ANGPT4: variants seen among roughly 807,000 people sequenced by gnomAD.
ANGPT4 encodes the protein angiopoietin 4, also known as angiopoietin-4.
A neutral mutation model predicts 53.0 loss-of-function variants in ANGPT4; 50 were observed. The ratio of observed to expected loss-of-function variants is 0.94; its 90% CI spans 0.75 to 1.20. The LOEUF is 1.20. ANGPT4 is among the 50% of genes most tolerant of loss of function. The pLI is 0.00. For synonymous variants in ANGPT4, 251 were observed against 259.7 expected (o/e 0.97, Z 0.32); for missense variants, 648 against 637.1 (o/e 1.02, Z -0.18).
chr20:886,753 G>A (rs1056349690), intron 3 of ANGPT4, among the ~76,000 whole-genome samples: 3 of 152,166 alleles, frequency 2.0e-5, no homozygotes, highest in Non-Finnish European at 4.4e-5. Context: ...AAAACCGAAT[G>A]GTTGTATGGG....
At chr20:873,956 C>T (rs73078124) in intron 8 of ANGPT4, among the ~76,000 whole-genome samples, 2 of 152,196 alleles carry the variant, frequency 1.3e-5, no homozygotes, top group African/African-American at 4.8e-5. Flanking sequence ...GTCTCCTGAT[C>T]CTGGTTCGGC....
rs1482295309 is a variant in ANGPT4 at position 888,379 on chromosome 20, T to G, written c.526A>C (p.Lys176Gln). ...QMPETFLSTNKLENQLLLQRQ... is the reference protein window; with the variant it reads ...QMPETFLSTNQLENQLLLQRQ... ...TGTAGCAGCAGCTGGTTCTCCAGCT[T>G]GTTGGTGGACAGAAAGGTCTCTGGC... The change falls in exon 3 of 9, where the codon AAG (lysine) becomes CAG (glutamine). Residue 176 changes from lysine (K) to glutamine (Q), a missense_variant. Lys to Gln is a moderately conservative substitution (Grantham distance 53). Coordinates refer to ENST00000381922, the MANE Select transcript of ANGPT4 (RefSeq NM_015985.4). 6.2e-7 allele frequency: 1 copy of G among 1,613,850 alleles called. No individual in the cohort carries two copies. The highest frequency in any genetic ancestry group is 1.1e-5 in the South Asian group (1 of 91,082).
intron 1 of ANGPT4, among the ~76,000 whole-genome samples, chr20:913,747 A>G (rs1055717470): frequency 3.3e-5 from 5 of 152,220 alleles, no homozygotes; most frequent in Non-Finnish European, 7.3e-5. Flanking sequence ...GACGAGGCCT[A>G]AGCCAGAAAG....
At chr20:878,101 CCCAG>C in intron 7 of ANGPT4, 56 bp downstream of exon 7, 5 of 1,530,194 alleles carry the variant, frequency 3.3e-6, no homozygotes, top group Non-Finnish European at 4.4e-6. Flanking sequence ...GCCTGGGGAC[CCCAG>C]CCCGCCCACT....
chr20:883,482 C>T, intron 4 of ANGPT4, among the ~76,000 whole-genome samples: 1 of 152,230 alleles, frequency 6.6e-6, no homozygotes, highest in East Asian at 1.9e-4. Context: ...TGCTCCCTTC[C>T]TGCTAGACTT....
chr20:907,270 T>C (rs530000965), intron 1 of ANGPT4, among the ~76,000 whole-genome samples: 382 of 152,142 alleles, frequency 2.5e-3, no homozygotes, highest in African/African-American at 8.5e-3. Context: ...TCACCTTTCA[T>C]GGGGTGGCAG....
intron 1 of ANGPT4, among the ~76,000 whole-genome samples, chr20:898,990 C>T (rs1982167413): frequency 6.6e-6 from 1 of 152,208 alleles, no homozygotes; most frequent in South Asian, 2.1e-4. Context: ...CTGACTCCTT[C>T]CCAGATCTTC....
In ANGPT4 at chr20:916,326, C is replaced by G. The variant is rs1302978941; in HGVS notation, c.-112G>C. ...GCTTGCCTGCAGCTGCAGCTACAAA[C>G]CTCTGTCTGGCCGAGCTCTGTCCAG... is the stretch of plus-strand genomic sequence containing the variant. On this transcript the variant is annotated 5_prime_UTR_variant, in exon 1 of 9. Transcript: ENST00000381922. 14 of 1,189,576 alleles carry G rather than the reference C, an allele frequency of 1.2e-5. No homozygotes were observed. In the East Asian group the frequency reaches 3.2e-4, roughly 27 times the overall value. The allele number at this position is 1,189,576 out of a possible 1,614,324, so 73.7% of individuals were successfully genotyped here.
At chr20:898,330 A>C (rs1001580420) in intron 1 of ANGPT4, among the ~76,000 whole-genome samples, 2 of 152,158 alleles carry the variant, frequency 1.3e-5, no homozygotes, top group Non-Finnish European at 2.9e-5. Context: ...TCACCTGCCC[A>C]AAAATTTCCT....
At chr20:894,730 A>G (rs1981978645) in intron 1 of ANGPT4, among the ~76,000 whole-genome samples, 1 of 152,216 alleles carries the variant, frequency 6.6e-6, no homozygotes, top group South Asian at 2.1e-4. Context: ...TTTCCCAGGC[A>G]TCTTCCCCAA....
In ANGPT4 at chr20:880,204, C is replaced by A. The variant is rs534943248; in HGVS notation, c.952-356G>T. ...CCTGGCAGTACTAGGTAAACGGAAG[C>A]TCGACCTCTTTTTGTTGAAAGGAGA... On this transcript the variant is annotated intron_variant, in intron 5 of 8. Coordinates refer to ENST00000381922, the MANE Select transcript of ANGPT4 (RefSeq NM_015985.4). Among the ~76,000 whole-genome samples, 4 of 152,268 alleles carry A rather than the reference C, an allele frequency of 2.6e-5. No individual in the cohort carries two copies. In the East Asian group the frequency reaches 7.7e-4, roughly 29 times the overall value.
chr20:889,282 G>A (rs1287752053), intron 2 of ANGPT4, among the ~76,000 whole-genome samples: 3 of 151,374 alleles, frequency 2.0e-5, no homozygotes, highest in African/African-American at 7.3e-5. Context: ...GCTTAATGAC[G>A]GAAAGATGTT....
chr20:910,617 G>A (rs1205516148), intron 1 of ANGPT4, among the ~76,000 whole-genome samples: 2 of 152,110 alleles, frequency 1.3e-5, no homozygotes, highest in Non-Finnish European at 2.9e-5. Flanking sequence ...CCTGGGGCCC[G>A]TTTTCTAACA....
intron 1 of ANGPT4, among the ~76,000 whole-genome samples, 187 bp from the exon 2 acceptor site, chr20:890,555 A>C (rs1981801639): frequency 6.6e-6 from 1 of 151,890 alleles, no homozygotes; most frequent in Non-Finnish European, 1.5e-5. Context: ...CCTGGGAGGG[A>C]TTTATATGCC....
In ANGPT4 at chr20:908,706, T is replaced by C. The variant is rs8119262; in HGVS notation, c.309+7200A>G. ...AACAGTGGTGGAAGGGACAATTAAA[T>C]GAATGCAGGAATGAATATTCTTACC... On this transcript the variant is annotated intron_variant, in intron 1 of 8. Transcript: ENST00000381922. This position sits in a 1 kb window ranked among gnomAD's most constrained non-coding sequence, Gnocchi z 4.9. 0.073 allele frequency among the ~76,000 whole-genome samples: 11,124 copies of C among 151,468 alleles called. 1,131 individuals carry two copies. The highest frequency in any genetic ancestry group is 0.23 in the African/African-American group (9,368 of 41,290).
chr20:878,362 TGAG>T, intron 6 of ANGPT4, 35 bp from the exon 7 acceptor site: 1 of 1,568,770 alleles, frequency 6.4e-7, no homozygotes, highest in Non-Finnish European at 8.7e-7. Flanking sequence ...AGACTCATGC[TGAG>T]GAGGAGGCCA....
At chr20:876,059 C>CCTGGGAGGT (rs1275720830) in intron 7 of ANGPT4, among the ~76,000 whole-genome samples, 1 of 150,404 alleles carries the variant, frequency 6.6e-6, no homozygotes, top group Non-Finnish European at 1.5e-5. Context: ...GTCACTGGAG[C>CCTGGGAGGT]CTGGGAGGTC....
In ANGPT4 at chr20:908,459, T is replaced by C. The variant is rs1982567290; in HGVS notation, c.309+7447A>G. ...CCTTTAGATCTCAGCTCTGTCCTTCTTCCTAGTGCCTCCCTCCCTCAAGGT... is the reference window on the plus strand; with the variant it reads ...CCTTTAGATCTCAGCTCTGTCCTTCCTCCTAGTGCCTCCCTCCCTCAAGGT... On this transcript the variant is annotated intron_variant, in intron 1 of 8. Transcript: ENST00000381922. This position sits in a 1 kb window ranked among gnomAD's most constrained non-coding sequence, Gnocchi z 4.9. 6.6e-6 allele frequency among the ~76,000 whole-genome samples: 1 copy of C among 152,198 alleles called. No individual in the cohort carries two copies. Among genetic ancestry groups the C allele is most frequent in the Non-Finnish European group, 1.5e-5 (1 of 68,040 alleles).
chr20:878,913 C>T (rs1981279139), intron 6 of ANGPT4, among the ~76,000 whole-genome samples: 1 of 152,258 alleles, frequency 6.6e-6, no homozygotes, highest in East Asian at 1.9e-4. Flanking sequence ...TCCCAATGCC[C>T]TTGGACAGAA....
Sources: gnomAD v4.1 joint callset for allele counts (sites outside exome capture counted in the v4.1 genomes callset) on GRCh38, gnomAD v4.1.1 for gene constraint, Gnocchi (gnomAD v3.1) non-coding constraint, MANE v1.5 for transcripts, NCBI Gene and HGNC (gene_info 2026-07-23, HGNC 2026-07-21) for gene names.